The following C2CD5 variants were observed in gnomAD, a reference collection of about 807,000 sequenced individuals.
C2CD5 encodes C2 domain-containing protein 5.
In C2CD5, 109 loss-of-function variants were observed where a neutral mutation model predicts 130.3. The ratio of observed to expected loss-of-function variants is 0.84; its 90% CI spans 0.72 to 0.98. C2CD5 has a LOEUF of 0.98. C2CD5 is among the 50% of genes least tolerant of loss of function. The probability of loss-of-function intolerance (pLI) is 0.00; values close to 1 mark genes in which losing one functional copy is unlikely to be tolerated. For missense variants in C2CD5, 996 were observed against 1,261.8 expected (o/e 0.79, Z 3.19); for synonymous variants, 454 against 429.2 (o/e 1.06, Z -0.71).
chr12:22,512,570 A>C, intron 9 of C2CD5: 1 of 1,069,408 alleles, frequency 9.4e-7, no homozygotes, highest in Admixed American at 3.1e-5. Flanking sequence ...GATTAAATAA[A>C]ATTTAAATGA....
intron 16 of C2CD5, 90 bp from the exon 17 acceptor site, chr12:22,472,897 CAG>C (rs1386030590): frequency 6.6e-6 from 5 of 759,570 alleles, no homozygotes; most frequent in African/African-American, 5.4e-5. Flanking sequence ...CAAGAAAAGG[CAG>C]AGTCATTTTT....
chr12:22,523,463 G>A lies in C2CD5; in HGVS notation c.763C>T (p.Leu255Phe), dbSNP rs773882467. ...LDKLSSPAAFLPACNSPSKEM... is the reference protein window; with the variant it reads ...LDKLSSPAAFFPACNSPSKEM... Reference sequence around the variant, plus strand: ...TTGGATGGGGAATTACATGCAGGAAGGAATGCTGCTGGGCTACTTAATTTA... The same window carrying A: ...TTGGATGGGGAATTACATGCAGGAAAGAATGCTGCTGGGCTACTTAATTTA... The change falls in exon 7 of 27, where the codon CTT becomes TTT. Residue 255 changes from leucine (L) to phenylalanine (F), a missense_variant. Physicochemically the swap from Leu to Phe is conservative, Grantham distance 22 (BLOSUM62 0). Transcript: ENST00000446597. 1.9e-5 allele frequency: 30 copies of A among 1,613,772 alleles called. No individual in the cohort carries two copies. The highest frequency in any genetic ancestry group is 2.1e-5 in the Non-Finnish European group (25 of 1,179,874).
chr12:22,530,109 T>TACAC (rs1346617859), intron 3 of C2CD5, among the ~76,000 whole-genome samples: 190 of 106,664 alleles, frequency 1.8e-3, no homozygotes, highest in African/African-American at 8.8e-3. Context: ...TATATATATA[T>TACAC]ATACACACAC....
intron 15 of C2CD5, among the ~76,000 whole-genome samples, chr12:22,477,108 G>C (rs1943956980): frequency 6.6e-6 from 1 of 151,900 alleles, no homozygotes; most frequent in Admixed American, 6.6e-5. Flanking sequence ...AAAGTAAAAA[G>C]AAACAGATAA....
In C2CD5 at chr12:22,518,016, CAGA is replaced by C. The variant is rs1949922110; in HGVS notation, c.919_921del (p.Ser307del). Reference sequence around the variant, plus strand: ...TTGGGTGTCAAACTCAAATCTGTGTCAGAAGAAGAGGACTGTCGACTGTAGGAC... The same window carrying C: ...TTGGGTGTCAAACTCAAATCTGTGTCAGAAGAGGACTGTCGACTGTAGGAC... On this transcript the variant is annotated inframe_deletion, in exon 8 of 27. Coordinates refer to ENST00000446597, the MANE Select transcript of C2CD5 (RefSeq NM_001286176.2). 4.3e-6 allele frequency: 7 copies of C among 1,613,182 alleles called. No individual in the cohort carries two copies. Among genetic ancestry groups the C allele is most frequent in the Non-Finnish European group, 5.9e-6 (7 of 1,179,592 alleles).
In C2CD5 at chr12:22,544,134, T is replaced by C; in HGVS notation, c.17A>G (p.Lys6Arg). The C allele has an allele frequency of 6.2e-7, 1 of 1,613,864 alleles. No individual in the cohort carries two copies. The highest frequency in any genetic ancestry group is 8.5e-7 in the Non-Finnish European group (1 of 1,179,874). Reference protein sequence around the residue: MPGKLKVKIVAGRHLP... With the variant: MPGKLRVKIVAGRHLP... Reference sequence around the variant, plus strand: ...ATGGCGCCCGGCCACGATTTTCACCTTCAGCTTCCCTGGCATGGTCTCGGT... The same window carrying C: ...ATGGCGCCCGGCCACGATTTTCACCCTCAGCTTCCCTGGCATGGTCTCGGT... Residue 6 changes from lysine to arginine, a missense_variant, in exon 2 of 27, where the codon AAG (lysine) becomes AGG (arginine). By Grantham distance (26) the Lys-to-Arg change is conservative (BLOSUM62 2). Transcript: ENST00000446597.
chr12:22,484,641 C>T (rs1945220970), intron 13 of C2CD5, 56 bp downstream of exon 13: 22 of 951,616 alleles, frequency 2.3e-5, no homozygotes, highest in Admixed American at 1.1e-4. Context: ...AATAGGTTTA[C>T]GGCTCCCTAT....
intron 25 of C2CD5, among the ~76,000 whole-genome samples, chr12:22,456,271 C>T (rs374192772): frequency 2.2e-4 from 33 of 152,270 alleles, no homozygotes; most frequent in African/African-American, 7.7e-4. Flanking sequence ...GGATGTCACA[C>T]CTCAGTAACT....
At chr12:22,519,675 T>C (rs895817697) in intron 7 of C2CD5, among the ~76,000 whole-genome samples, 2 of 151,998 alleles carry the variant, frequency 1.3e-5, no homozygotes, top group East Asian at 1.9e-4. Flanking sequence ...GAGATATGAA[T>C]TGCTGATATA....
intron 10 of C2CD5, among the ~76,000 whole-genome samples, chr12:22,501,678 A>G (rs1383475373): frequency 6.6e-6 from 1 of 152,172 alleles, no homozygotes; most frequent in Non-Finnish European, 1.5e-5. Flanking sequence ...GGATTTACCG[A>G]TTGATATCAA....
chr12:22,483,518 AT>A (rs1400715305), intron 13 of C2CD5, among the ~76,000 whole-genome samples: 1 of 152,134 alleles, frequency 6.6e-6, no homozygotes, highest in African/African-American at 2.4e-5. Flanking sequence ...AGCCCAAAAT[AT>A]TTTTTAAGAT....
chr12:22,527,638 C>G, intron 4 of C2CD5, 83 bp downstream of exon 4: 1 of 835,364 alleles, frequency 1.2e-6, no homozygotes, highest in Admixed American at 2.7e-5. Context: ...TATTTTAAAC[C>G]AGCAAATATA....
chr12:22,536,649 G>C (rs1951839737), intron 2 of C2CD5, among the ~76,000 whole-genome samples: 1 of 152,160 alleles, frequency 6.6e-6, no homozygotes, highest in African/African-American at 2.4e-5. Context: ...ATGTGATATA[G>C]ATATACAAGT....
chr12:22,512,534 A>C, intron 9 of C2CD5: 1 of 775,560 alleles, frequency 1.3e-6, no homozygotes, highest in South Asian at 2.0e-5. Flanking sequence ...CATTACGAAA[A>C]GAAAAACGCT....
intron 14 of C2CD5, among the ~76,000 whole-genome samples, chr12:22,478,680 T>C (rs1310197487): frequency 6.6e-6 from 1 of 152,004 alleles, no homozygotes; most frequent in African/African-American, 2.4e-5. Flanking sequence ...ACCCCGTCTC[T>C]CCTAAAAATA....
At chr12:22,462,541 G>A (rs1941359010) in intron 22 of C2CD5, among the ~76,000 whole-genome samples, 1 of 152,208 alleles carries the variant, frequency 6.6e-6, no homozygotes, top group Non-Finnish European at 1.5e-5. Context: ...AGCCCTGTGT[G>A]TAGTGGTGTG....
intron 7 of C2CD5, among the ~76,000 whole-genome samples, chr12:22,521,613 ACT>A (rs1950273856): frequency 6.6e-6 from 1 of 152,138 alleles, no homozygotes; most frequent in African/African-American, 2.4e-5. Context: ...CTGCAATCTG[ACT>A]CTACTGCTGG....
Position 22,472,733 on chromosome 12 carries a change from T to A in C2CD5, c.2107+11A>T, listed in dbSNP as rs1565675524. ...AACTAGTTTCATCTCAAAGATAACT[T>A]TTTTGTTCACCTGAAGGAGGAGGAA... is the stretch of plus-strand genomic sequence containing the variant. On this transcript the variant is annotated intron_variant, in intron 17 of 26. Coordinates refer to ENST00000446597, the MANE Select transcript of C2CD5 (RefSeq NM_001286176.2). 2.0e-6 allele frequency: 3 copies of A among 1,482,558 alleles called. No individual in the cohort carries two copies. Among genetic ancestry groups the A allele is most frequent in the Non-Finnish European group, 2.8e-6 (3 of 1,061,312 alleles). The allele number at this position is 1,482,558 out of a possible 1,614,324, so 91.8% of individuals were successfully genotyped here.
At chr12:22,497,898 GCA>G (rs1356049317) in intron 10 of C2CD5, among the ~76,000 whole-genome samples, 4 of 102,142 alleles carry the variant, frequency 3.9e-5, no homozygotes, top group African/African-American at 7.4e-5. Flanking sequence ...ATACACGCAT[GCA>G]CACACATACA....
Sources: allele counts gnomAD v4.1 joint callset (sites outside exome capture counted in the v4.1 genomes callset), GRCh38; gene constraint gnomAD v4.1.1; transcripts MANE v1.5; gene names NCBI Gene and HGNC (gene_info 2026-07-23, HGNC 2026-07-21).